Variants in IL1RAPL1 observed in about 807,000 individuals in gnomAD.
IL1RAPL1 encodes the protein interleukin-1 receptor accessory protein-like 1.
A neutral mutation model predicts 48.4 loss-of-function variants in IL1RAPL1; 3 were observed. The ratio of observed to expected loss-of-function variants is 0.06; its 90% confidence interval spans 0.03 to 0.16. IL1RAPL1 has a LOEUF of 0.16. Ranked by LOEUF, IL1RAPL1 falls within the 10% of genes least tolerant of loss-of-function variation. The pLI is 1.00. For synonymous variants in IL1RAPL1, 185 were observed against 187.7 expected, an observed-to-expected ratio of 0.99 and a Z score of 0.12; for missense variants, 349 against 530.6, an observed-to-expected ratio of 0.66 and a Z score of 3.36.
chrX:29,757,066 A>G (rs1436255074), intron 6 of IL1RAPL1, among the ~76,000 whole-genome samples: 3 of 111,959 alleles, frequency 2.7e-5, no homozygotes, highest in Non-Finnish European at 5.6e-5. Context: ...TTCCGCCAAC[A>G]CCTTGATTTG....
chrX:28,620,711 C>A (rs994158469), intron 1 of IL1RAPL1, among the ~76,000 whole-genome samples: 3 of 111,997 alleles, frequency 2.7e-5, no homozygotes, highest in African/African-American at 9.7e-5. Flanking sequence ...GGTGAGAAAG[C>A]AGATTTTCAT....
At chrX:28,710,273 A>C (rs758594624) in intron 1 of IL1RAPL1, among the ~76,000 whole-genome samples, 13 of 109,557 alleles carry the variant, frequency 1.2e-4, no homozygotes, top group Non-Finnish European at 2.3e-4. Context: ...AAGCAGAATA[A>C]ATAAGTAAAT....
intron 6 of IL1RAPL1, among the ~76,000 whole-genome samples, chrX:29,677,554 C>T (rs1039344532): frequency 8.9e-6 from 1 of 111,786 alleles, no homozygotes; most frequent in Non-Finnish European, 1.9e-5. Flanking sequence ...AATGATCACC[C>T]CCATAAGTTT....
At chrX:29,166,523 C>T (rs956190261) in intron 2 of IL1RAPL1, among the ~76,000 whole-genome samples, 1 of 111,628 alleles carries the variant, frequency 9.0e-6, no homozygotes, top group African/African-American at 3.3e-5. Flanking sequence ...ACAATTGAAA[C>T]TGCATTCACT....
At chrX:28,810,933 C>A (rs1328043387) in intron 2 of IL1RAPL1, among the ~76,000 whole-genome samples, 2 of 109,875 alleles carry the variant, frequency 1.8e-5, no homozygotes, top group Non-Finnish European at 3.8e-5. Context: ...AAAAAACAAT[C>A]CAGTTTTTCT....
intron 1 of IL1RAPL1, among the ~76,000 whole-genome samples, chrX:28,705,512 A>G (rs937656206): frequency 8.9e-6 from 1 of 112,264 alleles, no homozygotes; most frequent in African/African-American, 3.2e-5. Flanking sequence ...CCTAAAATAC[A>G]TAATTAGATA....
chrX:29,131,699 C>T (rs1929026417), intron 2 of IL1RAPL1, among the ~76,000 whole-genome samples: 1 of 111,494 alleles, frequency 9.0e-6, no homozygotes. Context: ...GGTAAAAATA[C>T]AAAACCCTGA....
chrX:29,423,995 A>T (rs912112002), intron 5 of IL1RAPL1, among the ~76,000 whole-genome samples: 1 of 111,472 alleles, frequency 9.0e-6, no homozygotes, highest in Non-Finnish European at 1.9e-5. Context: ...GACCTCTTCG[A>T]GCAGATATTA....
intron 2 of IL1RAPL1, among the ~76,000 whole-genome samples, chrX:28,983,309 G>A (rs1440697084): frequency 9.0e-6 from 1 of 111,581 alleles, no homozygotes; most frequent in Non-Finnish European, 1.9e-5. Context: ...ACTCCAAAGA[G>A]GCCCTAGGAT....
intron 6 of IL1RAPL1, among the ~76,000 whole-genome samples, chrX:29,883,055 C>T (rs145348454): frequency 2.9e-3 from 323 of 111,471 alleles, no homozygotes; most frequent in Admixed American, 4.7e-3. Flanking sequence ...TCTTCAGTAA[C>T]GTAGGGTCAC....
intron 5 of IL1RAPL1, among the ~76,000 whole-genome samples, chrX:29,484,192 C>A (rs7066625): frequency 9.1e-6 from 1 of 109,860 alleles, no homozygotes; most frequent in Non-Finnish European, 1.9e-5. Flanking sequence ...AATTTATTTT[C>A]AAAAAAGTTT....
intron 1 of IL1RAPL1, among the ~76,000 whole-genome samples, chrX:28,625,395 C>T (rs1484694906): frequency 8.9e-6 from 1 of 112,048 alleles, no homozygotes; most frequent in African/African-American, 3.2e-5. Context: ...ACCTACTGGG[C>T]CCTTGTTCCT....
At chrX:29,640,697 C>T (rs1682531250) in intron 5 of IL1RAPL1, among the ~76,000 whole-genome samples, 1 of 112,052 alleles carries the variant, frequency 8.9e-6, no homozygotes, top group African/African-American at 3.2e-5. Context: ...GGATTCAGTA[C>T]ATGAACACCT....
In IL1RAPL1 at chrX:29,671,832, A is replaced by G. The variant is rs184525896; in HGVS notation, c.778+3328A>G. Among the ~76,000 whole-genome samples, 3 of 112,440 alleles carry G rather than the reference A, an allele frequency of 2.7e-5. No homozygotes were observed. In the East Asian group the frequency reaches 8.4e-4, roughly 31 times the overall value. On this transcript the variant is annotated intron_variant, in intron 6 of 10. Coordinates refer to ENST00000378993, the MANE Select transcript of IL1RAPL1 (RefSeq NM_014271.4). ...TATCGCTACCAGACTTTCAAAGAGT[A>G]GAAATCCACCCTACCCTTGACCTAA...
chrX:29,878,444 G>A (rs759458748), intron 6 of IL1RAPL1, among the ~76,000 whole-genome samples: 7 of 111,618 alleles, frequency 6.3e-5, no homozygotes, highest in African/African-American at 2.3e-4. Flanking sequence ...CCTCATTTGC[G>A]TGGTAGATGC....
Position 28,660,876 on chromosome X carries a change from T to C in IL1RAPL1, c.-25+72829T>C, listed in dbSNP as rs1934814633. 2.7e-5 allele frequency among the ~76,000 whole-genome samples: 3 copies of C among 111,945 alleles called. No homozygotes were observed. The South Asian group carries it at 1.1e-3, about 42-fold the overall frequency. On this transcript the variant is annotated intron_variant, in intron 1 of 10. Transcript: ENST00000378993. ...TTACAAGTATAATTTAAAAATAGTTTTGGCAAGAGGAGGTTGGGGAGAAAG... is the reference window on the plus strand; with the variant it reads ...TTACAAGTATAATTTAAAAATAGTTCTGGCAAGAGGAGGTTGGGGAGAAAG...
At chrX:29,096,275 A>G (rs1928212412) in intron 2 of IL1RAPL1, among the ~76,000 whole-genome samples, 1 of 111,884 alleles carries the variant, frequency 8.9e-6, no homozygotes. Flanking sequence ...ACAGCTTCAA[A>G]TACAGCCATT....
At chrX:28,798,425 G>A (rs913364576) in intron 2 of IL1RAPL1, among the ~76,000 whole-genome samples, 3 of 111,595 alleles carry the variant, frequency 2.7e-5, no homozygotes, top group Non-Finnish European at 1.9e-5. Context: ...CATCTCCTCT[G>A]ACTCTGACCC....
chrX:28,840,442 A>C (rs1238726018), intron 2 of IL1RAPL1, among the ~76,000 whole-genome samples: 4 of 110,689 alleles, frequency 3.6e-5, no homozygotes, highest in Middle Eastern at 4.6e-3. Context: ...TTTATGGGTT[A>C]TGTGAAATAT....
Sources: gnomAD v4.1 joint callset for allele counts (sites outside exome capture counted in the v4.1 genomes callset) on GRCh38, gnomAD v4.1.1 for gene constraint, MANE v1.5 for transcripts, NCBI Gene and HGNC (gene_info 2026-07-23, HGNC 2026-07-21) for gene names.